The following TACR3 variants were observed in gnomAD, a reference collection of about 807,000 sequenced individuals.
TACR3 encodes neuromedin-K receptor.
In TACR3, 34 loss-of-function variants were observed where a neutral mutation model predicts 35.0. That is an observed-to-expected ratio of 0.97 (90% CI 0.74 to 1.30). The LOEUF (loss-of-function observed/expected upper bound fraction) is 1.30. TACR3 is among the 50% of genes most tolerant of loss of function. TACR3 has a pLI of 0.00. For missense variants in TACR3, 558 were observed against 591.7 expected, an observed-to-expected ratio of 0.94 and a Z score of 0.59; for synonymous variants, 233 against 221.1, an observed-to-expected ratio of 1.05 and a Z score of -0.48.
chr4:103,686,458 C>G (rs1722242888), intron 1 of TACR3, among the ~76,000 whole-genome samples: 1 of 152,044 alleles, frequency 6.6e-6, no homozygotes, highest in African/African-American at 2.4e-5. Flanking sequence ...GTACCATAGA[C>G]CACAAACTGT....
At chr4:103,616,798 A>G (rs1401795978) in intron 3 of TACR3, among the ~76,000 whole-genome samples, 1 of 152,042 alleles carries the variant, frequency 6.6e-6, no homozygotes, top group East Asian at 1.9e-4. Flanking sequence ...AAATACAAAA[A>G]TTAGCGGGGC....
chr4:103,615,897 G>A (rs747172985), intron 3 of TACR3, among the ~76,000 whole-genome samples: 6 of 151,966 alleles, frequency 3.9e-5, no homozygotes, highest in Non-Finnish European at 7.4e-5. Flanking sequence ...CTGAGATAAA[G>A]GAAAACAGCT....
In TACR3 at chr4:103,586,139, AT is replaced by A. The variant is rs1272490365; in HGVS notation, c.*3542del. The A allele has an allele frequency of 6.6e-6, 1 of 152,052 alleles. No individual in the cohort carries two copies. Among genetic ancestry groups the A allele is most frequent in the African/African-American group, 2.4e-5 (1 of 41,424 alleles). 9.4% of individuals were successfully genotyped at this position (152,052 alleles called of 1,614,324 possible). A position where few individuals can be genotyped will look rare whatever the true frequency, so the allele number is the denominator to read the frequency against. ...AAATACATTAAACATATTCAATATA[AT>A]TACCACAACTTGAAAATACTTTATT... On this transcript the variant is annotated 3_prime_UTR_variant, in exon 5 of 5. Transcript: ENST00000304883.
intron 3 of TACR3, among the ~76,000 whole-genome samples, chr4:103,605,921 A>T (rs138755996): frequency 0.034 from 5,169 of 152,060 alleles, 337 homozygotes; most frequent in African/African-American, 0.12. Context: ...CTGAATGGTA[A>T]TGCCTAGGTT....
chr4:103,655,043 A>C (rs1725703886), intron 3 of TACR3, among the ~76,000 whole-genome samples: 1 of 152,200 alleles, frequency 6.6e-6, no homozygotes, highest in Non-Finnish European at 1.5e-5. Context: ...AAATTGAATT[A>C]CATACACAGT....
chr4:103,716,669 A>G (rs953929048), intron 1 of TACR3, among the ~76,000 whole-genome samples: 3 of 150,958 alleles, frequency 2.0e-5, no homozygotes, highest in Non-Finnish European at 2.9e-5. Context: ...CTACAGCTGA[A>G]CAAAAGCCAT....
intron 3 of TACR3, among the ~76,000 whole-genome samples, chr4:103,615,218 A>G (rs778997019): frequency 3.8e-4 from 58 of 152,164 alleles, no homozygotes; most frequent in Non-Finnish European, 8.1e-4. Flanking sequence ...TGTAAAGGCA[A>G]GAGAAGACCA....
intron 3 of TACR3, among the ~76,000 whole-genome samples, chr4:103,592,411 C>G (rs777617851): frequency 2.0e-5 from 3 of 152,080 alleles, no homozygotes; most frequent in Non-Finnish European, 2.9e-5. Context: ...TGATAATATC[C>G]TGGACAGCTC....
chr4:103,643,965 G>T lies in TACR3; in HGVS notation c.888+12229C>A, dbSNP rs1016783520. Among the ~76,000 whole-genome samples, 3 of 150,974 alleles carry T rather than the reference G, an allele frequency of 2.0e-5. No homozygotes were observed. In the Admixed American group the frequency reaches 2.0e-4, roughly 10 times the overall value. The stretch of plus-strand genomic sequence containing the variant: ...AAGGCTTTAGATATTTCCTCCTAAT[G>T]TTTATCTTTTCTTATCTTTTTAAAA... On this transcript the variant is annotated intron_variant, in intron 3 of 4. Transcript: ENST00000304883.
At chr4:103,687,751 T>C (rs1722283109) in intron 1 of TACR3, among the ~76,000 whole-genome samples, 1 of 152,176 alleles carries the variant, frequency 6.6e-6, no homozygotes, top group Admixed American at 6.5e-5. Context: ...TAAAAGAGGA[T>C]ACAAACAAAT....
intron 1 of TACR3, among the ~76,000 whole-genome samples, chr4:103,668,516 T>C (rs939715838): frequency 6.6e-6 from 1 of 152,128 alleles, no homozygotes; most frequent in South Asian, 2.1e-4. Flanking sequence ...GCTTACTTTT[T>C]AAATTTTATT....
intron 3 of TACR3, among the ~76,000 whole-genome samples, chr4:103,627,602 A>AAT (rs1267634798): frequency 2.6e-5 from 4 of 152,262 alleles, no homozygotes; most frequent in Non-Finnish European, 2.9e-5. Flanking sequence ...AACTATCCTA[A>AAT]ATATATATGC....
At position 103,589,439 on chromosome 4, in the gene TACR3, C is replaced by T; in HGVS notation, c.*243G>A. 1 of 478,936 alleles carries T rather than the reference C, an allele frequency of 2.1e-6. No homozygotes were observed. The highest frequency in any genetic ancestry group is 3.8e-6 in the Non-Finnish European group (1 of 266,614). 29.7% of individuals were successfully genotyped at this position (478,936 alleles called of 1,614,324 possible). Reference sequence around the variant, plus strand: ...TTTCCTGACATATTTTTGTTCATTGCATATAATAATTTAGAGTTTTCAAAG... The same window carrying T: ...TTTCCTGACATATTTTTGTTCATTGTATATAATAATTTAGAGTTTTCAAAG... On this transcript the variant is annotated 3_prime_UTR_variant, in exon 5 of 5. Coordinates refer to ENST00000304883, the MANE Select transcript of TACR3 (RefSeq NM_001059.3).
intron 1 of TACR3, among the ~76,000 whole-genome samples, chr4:103,709,239 T>A (rs964041059): frequency 5.9e-5 from 9 of 152,236 alleles, no homozygotes; most frequent in Non-Finnish European, 1.0e-4. Context: ...GGAAAAAATG[T>A]TAAGGGCAGC....
At chr4:103,701,057 G>A (rs1298717953) in intron 1 of TACR3, among the ~76,000 whole-genome samples, 4 of 152,068 alleles carry the variant, frequency 2.6e-5, no homozygotes, top group Non-Finnish European at 5.9e-5. Flanking sequence ...AGGGCAATTA[G>A]GCAGGAGAAG....
At chr4:103,610,620 C>G (rs1419474235) in intron 3 of TACR3, among the ~76,000 whole-genome samples, 1 of 152,022 alleles carries the variant, frequency 6.6e-6, no homozygotes, top group Non-Finnish European at 1.5e-5. Flanking sequence ...TGTACAAAAG[C>G]TTTTTAGTTT....
intron 3 of TACR3, among the ~76,000 whole-genome samples, chr4:103,641,751 T>TA (rs896530258): frequency 2.0e-5 from 3 of 151,886 alleles, no homozygotes; most frequent in Non-Finnish European, 4.4e-5. Context: ...GATGAATGGA[T>TA]AAAAAACGTG....
At chr4:103,613,117 T>G (rs1287441241) in intron 3 of TACR3, among the ~76,000 whole-genome samples, 1 of 152,176 alleles carries the variant, frequency 6.6e-6, no homozygotes, top group African/African-American at 2.4e-5. Flanking sequence ...ATATACTAGT[T>G]ATATTTTAGC....
intron 1 of TACR3, among the ~76,000 whole-genome samples, chr4:103,703,372 T>C (rs948713218): frequency 2.6e-5 from 4 of 152,050 alleles, no homozygotes; most frequent in Admixed American, 1.3e-4. Flanking sequence ...TGGTTTTGTG[T>C]GAAAGAATAG....
Sources: gnomAD v4.1 joint callset for allele counts (sites outside exome capture counted in the v4.1 genomes callset) on GRCh38, gnomAD v4.1.1 for gene constraint, MANE v1.5 for transcripts, NCBI Gene and HGNC (gene_info 2026-07-23, HGNC 2026-07-21) for gene names.